Variants in CAST observed in about 807,000 individuals in gnomAD.
The protein encoded by CAST is calpastatin.
CAST carries 76 observed loss-of-function variants against 119.6 expected under a neutral mutation model. That is an observed-to-expected ratio of 0.64 (90% CI 0.53 to 0.77). The LOEUF (loss-of-function observed/expected upper bound fraction) is 0.77. Ranked by LOEUF, CAST falls within the 30% of genes least tolerant of loss-of-function variation. CAST has a pLI of 0.00. For synonymous variants in CAST, 319 were observed against 331.6 expected (o/e 0.96, Z 0.41); for missense variants, 953 against 946.5 (o/e 1.01, Z -0.09).
the CAST span, among the ~76,000 whole-genome samples, chr5:96,463,978 A>C: frequency 1.3e-5 from 2 of 152,144 alleles, no homozygotes; most frequent in African/African-American, 4.8e-5. Context: ...GATGGAGAAG[A>C]AAATTTTGGA....
At chr5:96,217,336 T>C in the CAST span, among the ~76,000 whole-genome samples, 2 of 149,562 alleles carry the variant, frequency 1.3e-5, no homozygotes, top group Non-Finnish European at 3.0e-5. Context: ...CCACTGCGAG[T>C]GGCCAAATTA....
the CAST span, among the ~76,000 whole-genome samples, chr5:96,419,005 T>C: frequency 6.6e-6 from 1 of 152,086 alleles, no homozygotes; most frequent in Non-Finnish European, 1.5e-5. Flanking sequence ...AACACTTACT[T>C]AACTTTTTTG....
chr5:96,559,067 A>G (rs1218528966), intron 1 of CAST, among the ~76,000 whole-genome samples: 1 of 152,164 alleles, frequency 6.6e-6, no homozygotes, highest in Non-Finnish European at 1.5e-5. Context: ...GCAAATCGAT[A>G]AACGTAATCC....
chr5:96,044,511 T>C, the CAST span, among the ~76,000 whole-genome samples: 1 of 152,188 alleles, frequency 6.6e-6, no homozygotes, highest in Non-Finnish European at 1.5e-5. Flanking sequence ...AAACTATCCA[T>C]GTAATGGTGT....
At position 96,774,507 on chromosome 5, in the gene CAST, A is replaced by C. The variant is rs7063; in HGVS notation, c.*1891A>C. On this transcript the variant is annotated 3_prime_UTR_variant, in exon 32 of 32. Transcript: ENST00000675179. ...ACTTAGAGGCAAAGAACAATTTTTTATTATCAAAAAGGTTTCTGCACATTG... is the reference window on the plus strand; with the variant it reads ...ACTTAGAGGCAAAGAACAATTTTTTCTTATCAAAAAGGTTTCTGCACATTG... 17 of 985,770 alleles carry C rather than the reference A, an allele frequency of 1.7e-5. No individual in the cohort carries two copies. Among genetic ancestry groups the C allele is most frequent in the South Asian group, 4.7e-5 (1 of 21,284 alleles). The allele number at this position is 985,770 out of a possible 1,614,324, so 61.1% of individuals were successfully genotyped here. A position where few individuals can be genotyped will look rare whatever the true frequency, so the allele number is the denominator to read the frequency against.
the CAST span, among the ~76,000 whole-genome samples, chr5:96,040,139 G>T: frequency 6.6e-6 from 1 of 152,176 alleles, no homozygotes; most frequent in African/African-American, 2.4e-5. Context: ...TAGCAATTGT[G>T]AATAGGAGTT....
At chr5:96,162,274 G>A in the CAST span, among the ~76,000 whole-genome samples, 1 of 152,116 alleles carries the variant, frequency 6.6e-6, no homozygotes, top group Non-Finnish European at 1.5e-5. Flanking sequence ...TTATCATTTT[G>A]AGAAAGTCTC....
chr5:96,131,901 G>A, the CAST span, among the ~76,000 whole-genome samples: 183 of 152,320 alleles, frequency 1.2e-3, 1 homozygote, highest in African/African-American at 3.7e-3. Context: ...CATGGGACAT[G>A]TCTGAAACCA....
intron 1 of CAST, among the ~76,000 whole-genome samples, chr5:96,669,387 A>C (rs1749775083): frequency 6.6e-6 from 1 of 152,180 alleles, no homozygotes; most frequent in South Asian, 2.1e-4. Context: ...AAAGAGCAAA[A>C]TTACTTCTCA....
At chr5:96,641,915 C>A (rs1276505192) in intron 1 of CAST, among the ~76,000 whole-genome samples, 1 of 152,178 alleles carries the variant, frequency 6.6e-6, no homozygotes, top group African/African-American at 2.4e-5. Context: ...ATCCTAAATG[C>A]AGTCTGTATT....
chr5:96,082,827 A>G, the CAST span, among the ~76,000 whole-genome samples: 1 of 152,170 alleles, frequency 6.6e-6, no homozygotes, highest in Non-Finnish European at 1.5e-5. Flanking sequence ...GTAGAAAAAA[A>G]TTAAAATCAG....
At chr5:96,486,805 A>G in the CAST span, among the ~76,000 whole-genome samples, 58 of 152,252 alleles carry the variant, frequency 3.8e-4, no homozygotes, top group African/African-American at 1.3e-3. Context: ...CATGTACTCT[A>G]TCCTGATCCC....
chr5:95,988,972 A>G, the CAST span, among the ~76,000 whole-genome samples: 1 of 152,184 alleles, frequency 6.6e-6, no homozygotes, highest in African/African-American at 2.4e-5. Flanking sequence ...TTTCTTTGTC[A>G]TATCTTTTGG....
At chr5:96,114,226 A>G in the CAST span, among the ~76,000 whole-genome samples, 1 of 152,202 alleles carries the variant, frequency 6.6e-6, no homozygotes, top group African/African-American at 2.4e-5. Flanking sequence ...AGCAGAGAAG[A>G]AATCTGGGTG....
chr5:96,485,486 A>G, the CAST span, among the ~76,000 whole-genome samples: 1 of 152,226 alleles, frequency 6.6e-6, no homozygotes, highest in Non-Finnish European at 1.5e-5. Flanking sequence ...AAAGTAAAAA[A>G]TCATAGAGCC....
chr5:96,009,449 T>C, the CAST span, among the ~76,000 whole-genome samples: 34 of 152,198 alleles, frequency 2.2e-4, no homozygotes, highest in Middle Eastern at 3.2e-3. Context: ...CTCTGCAGCC[T>C]CACCATCATC....
chr5:96,493,925 C>G, the CAST span, among the ~76,000 whole-genome samples: 1 of 152,126 alleles, frequency 6.6e-6, no homozygotes, highest in South Asian at 2.1e-4. Flanking sequence ...ATCACAGTTA[C>G]TTGGGAGGCT....
At chr5:96,012,063 A>G in the CAST span, among the ~76,000 whole-genome samples, 11 of 152,268 alleles carry the variant, frequency 7.2e-5, no homozygotes, top group African/African-American at 2.4e-4. Flanking sequence ...AAAAACAACT[A>G]ATGAAAAAAT....
chr5:96,657,323 G>A (rs555397728), upstream of CAST, among the ~76,000 whole-genome samples: 47 of 152,200 alleles, frequency 3.1e-4, no homozygotes, highest in African/African-American at 1.1e-3. Flanking sequence ...GAAGAAATGT[G>A]GTTTGCTCAG....
Sources: allele counts gnomAD v4.1 joint callset (sites outside exome capture counted in the v4.1 genomes callset), GRCh38; gene constraint gnomAD v4.1.1; transcripts MANE v1.5; gene names NCBI Gene and HGNC (gene_info 2026-07-23, HGNC 2026-07-21).